The following ROBO1 variants were observed in gnomAD, a reference collection of about 807,000 sequenced individuals.
ROBO1 encodes roundabout guidance receptor 1.
ROBO1 carries 149 observed loss-of-function variants against 195.9 expected under a neutral mutation model. The ratio of observed to expected loss-of-function variants is 0.76; its 90% CI spans 0.67 to 0.87. The LOEUF (loss-of-function observed/expected upper bound fraction) is 0.87. Among genes scored for constraint, ROBO1 ranks in the 40% least tolerant of loss-of-function variants. ROBO1 has a pLI of 0.00. For missense variants in ROBO1, 1,933 were observed against 2,068.3 expected, an observed-to-expected ratio of 0.93 and a Z score of 1.27; for synonymous variants, 816 against 733.2, an observed-to-expected ratio of 1.11 and a Z score of -1.82.
chr3:79,265,175 C>G (rs1445764869), intron 2 of ROBO1, among the ~76,000 whole-genome samples: 1 of 151,654 alleles, frequency 6.6e-6, no homozygotes, highest in Non-Finnish European at 1.5e-5. Context: ...ATGTTTTAAG[C>G]CATGGAATTC....
At chr3:79,000,414 C>CT (rs1175944651) in intron 3 of ROBO1, among the ~76,000 whole-genome samples, 1 of 151,968 alleles carries the variant, frequency 6.6e-6, no homozygotes, top group East Asian at 1.9e-4. Context: ...AGCAGAAGCT[C>CT]TTTAATTAGA....
At chr3:79,425,818 T>C (rs1010106486) in intron 2 of ROBO1, among the ~76,000 whole-genome samples, 10 of 152,000 alleles carry the variant, frequency 6.6e-5, no homozygotes, top group African/African-American at 2.4e-4. Context: ...AGCTACAAAT[T>C]GGAATAGAGA....
intron 2 of ROBO1, among the ~76,000 whole-genome samples, chr3:79,390,547 T>C (rs551192316): frequency 6.6e-6 from 1 of 152,224 alleles, no homozygotes; most frequent in African/African-American, 2.4e-5. Flanking sequence ...TGTGACGTCA[T>C]GGAAGCCAAG....
chr3:79,087,763 T>C (rs1302823183), intron 3 of ROBO1, among the ~76,000 whole-genome samples: 2 of 152,066 alleles, frequency 1.3e-5, no homozygotes, highest in Non-Finnish European at 2.9e-5. Flanking sequence ...AGAAAAAAAG[T>C]CTTTTGTTGG....
intron 8 of ROBO1, among the ~76,000 whole-genome samples, chr3:78,698,577 G>C (rs1435747723): frequency 6.6e-6 from 1 of 152,102 alleles, no homozygotes; most frequent in African/African-American, 2.4e-5. Context: ...TGGGGAAGAA[G>C]GGGAAGGCAG....
chr3:79,480,717 A>G (rs1249295884), intron 2 of ROBO1, among the ~76,000 whole-genome samples: 1 of 152,154 alleles, frequency 6.6e-6, no homozygotes, highest in Non-Finnish European at 1.5e-5. Flanking sequence ...CTAGCTGTGG[A>G]AATCAATGCA....
At chr3:79,300,674 G>A (rs2032889860) in intron 2 of ROBO1, among the ~76,000 whole-genome samples, 1 of 152,220 alleles carries the variant, frequency 6.6e-6, no homozygotes, top group African/African-American at 2.4e-5. Context: ...AAGCCAGCTG[G>A]GCTCCTGAGT....
At chr3:79,696,457 A>AAT (rs61596243) in intron 1 of ROBO1, among the ~76,000 whole-genome samples, 41,648 of 147,078 alleles carry the variant, frequency 0.28, 7,111 homozygotes, top group East Asian at 0.5. Context: ...ATATCTAAAT[A>AAT]ATATATATAT....
chr3:78,757,099 C>A (rs2082952575), intron 4 of ROBO1, among the ~76,000 whole-genome samples: 1 of 152,104 alleles, frequency 6.6e-6, no homozygotes, highest in African/African-American at 2.4e-5. Context: ...GCAATGTTGG[C>A]CAGGCTGGTC....
intron 4 of ROBO1, among the ~76,000 whole-genome samples, chr3:78,903,295 T>C (rs1403890386): frequency 2.6e-5 from 4 of 152,000 alleles, no homozygotes; most frequent in African/African-American, 9.7e-5. Flanking sequence ...AAACAGAAAG[T>C]TTAACTATTA....
intron 2 of ROBO1, among the ~76,000 whole-genome samples, chr3:79,467,153 T>A (rs1938005989): frequency 6.6e-6 from 1 of 152,066 alleles, no homozygotes; most frequent in Admixed American, 6.6e-5. Context: ...TGCAACAGCA[T>A]AGTCCCAAGA....
chr3:78,963,519 T>TTTG, intron 3 of ROBO1, among the ~76,000 whole-genome samples: 1 of 116,994 alleles, frequency 8.5e-6, no homozygotes, highest in East Asian at 2.2e-4. Flanking sequence ...TTTTTTTTTT[T>TTTG]TCTTTTTTTT....
intron 2 of ROBO1, among the ~76,000 whole-genome samples, chr3:79,516,886 A>T (rs1307315496): frequency 6.6e-6 from 1 of 152,222 alleles, no homozygotes; most frequent in East Asian, 1.9e-4. Flanking sequence ...AGAAAGAAAG[A>T]TAATGCACTA....
At chr3:79,625,429 A>ATC in intron 1 of ROBO1, among the ~76,000 whole-genome samples, 2 of 140,886 alleles carry the variant, frequency 1.4e-5, no homozygotes, top group Non-Finnish European at 3.1e-5. Context: ...TTTTGAAAAA[A>ATC]AAAAAAAAAA....
intron 1 of ROBO1, among the ~76,000 whole-genome samples, chr3:79,610,989 A>G (rs564783376): frequency 8.5e-4 from 130 of 152,192 alleles, no homozygotes; most frequent in African/African-American, 3.0e-3. Flanking sequence ...TGATTGGCTT[A>G]TTATAATCTC....
chr3:78,915,024 T>C (rs990972762), intron 4 of ROBO1, among the ~76,000 whole-genome samples: 1 of 151,950 alleles, frequency 6.6e-6, no homozygotes, highest in African/African-American at 2.4e-5. Context: ...ACAAAAACAG[T>C]GGCAAACTGA....
At chr3:79,614,639 T>C (rs1268932713) in intron 1 of ROBO1, among the ~76,000 whole-genome samples, 1 of 152,060 alleles carries the variant, frequency 6.6e-6, no homozygotes, top group African/African-American at 2.4e-5. Context: ...GAAATAAAGA[T>C]ACATTTAACA....
chr3:79,589,182 T>C (rs1246773375), intron 2 of ROBO1, among the ~76,000 whole-genome samples: 1 of 151,714 alleles, frequency 6.6e-6, no homozygotes, highest in East Asian at 1.9e-4. Context: ...AGTACATCAA[T>C]ATATTTTTGT....
intron 3 of ROBO1, chr3:79,018,896 G>A (rs991815021): frequency 2.0e-6 from 2 of 991,982 alleles, no homozygotes; most frequent in African/African-American, 3.5e-5. Context: ...GCTGAGGGAG[G>A]GCCAAAAAGT....
Sources: allele counts gnomAD v4.1 joint callset (sites outside exome capture counted in the v4.1 genomes callset), GRCh38; gene constraint gnomAD v4.1.1; transcripts MANE v1.5; gene names NCBI Gene and HGNC (gene_info 2026-07-23, HGNC 2026-07-21).